The following SAV1 variants were observed in gnomAD, a reference collection of about 807,000 sequenced individuals.
SAV1 encodes salvador family WW domain containing protein 1, also known as protein salvador homolog 1.
Under a neutral mutation model 47.3 loss-of-function variants are expected in SAV1, and 23 were observed. The ratio of observed to expected loss-of-function variants is 0.49; its 90% CI spans 0.35 to 0.69. The LOEUF is 0.69. Ranked by LOEUF, SAV1 falls within the 30% of genes least tolerant of loss-of-function variation. The pLI is 0.01. For missense variants in SAV1, 448 were observed against 457.4 expected, an observed-to-expected ratio of 0.98 and a Z score of 0.19; for synonymous variants, 155 against 159.2, an observed-to-expected ratio of 0.97 and a Z score of 0.20.
At chr14:50,661,796 G>A (rs904063379) in intron 2 of SAV1, among the ~76,000 whole-genome samples, 46 of 152,112 alleles carry the variant, frequency 3.0e-4, no homozygotes, top group African/African-American at 9.4e-4. Flanking sequence ...TGGTCTATGT[G>A]TCTTTCTATA....
chr14:50,647,801 A>G (rs2039735271), intron 2 of SAV1, among the ~76,000 whole-genome samples: 1 of 152,240 alleles, frequency 6.6e-6, no homozygotes, highest in Non-Finnish European at 1.5e-5. Context: ...GCAAGTGCTT[A>G]CATGGATACA....
At chr14:50,635,699 A>C (rs116201470) in intron 4 of SAV1, among the ~76,000 whole-genome samples, 6,669 of 152,252 alleles carry the variant, frequency 0.044, 142 homozygotes, top group Middle Eastern at 0.051. Flanking sequence ...ACTGCTATTT[A>C]CATATAATTC....
intron 2 of SAV1, among the ~76,000 whole-genome samples, chr14:50,648,297 G>A (rs1443627836): frequency 6.6e-6 from 1 of 152,184 alleles, no homozygotes; most frequent in African/African-American, 2.4e-5. Flanking sequence ...AGGGACAGGA[G>A]TTGACTATAA....
intron 2 of SAV1, among the ~76,000 whole-genome samples, chr14:50,659,907 T>C (rs12895826): frequency 1.3e-5 from 2 of 152,188 alleles, no homozygotes; most frequent in Non-Finnish European, 2.9e-5. Flanking sequence ...ACCCCCTTGA[T>C]AGTTTCCAGA....
intron 4 of SAV1, among the ~76,000 whole-genome samples, chr14:50,638,194 C>G (rs2039652210): frequency 6.6e-6 from 1 of 152,198 alleles, no homozygotes; most frequent in Admixed American, 6.5e-5. Flanking sequence ...TGCCTATAAT[C>G]ACCTAAGTGT....
chr14:50,666,837 T>A (rs1282836092), intron 1 of SAV1, among the ~76,000 whole-genome samples: 1 of 151,570 alleles, frequency 6.6e-6, no homozygotes, highest in African/African-American at 2.4e-5. Context: ...TGTACTCAAC[T>A]GACATATATT....
chr14:50,658,591 G>T lies in SAV1; in HGVS notation c.535+6588C>A, dbSNP rs1389651. 9.1e-3 allele frequency among the ~76,000 whole-genome samples: 1,382 copies of T among 152,232 alleles called. 30 individuals carry two copies. The highest frequency in any genetic ancestry group is 0.031 in the African/African-American group (1,292 of 41,534). ...TAACCCTTGACACAAGGTGTTTCCT[G>T]AAAATCTAATAACTAATTGACAGGA... On this transcript the variant is annotated intron_variant, in intron 2 of 4. Coordinates refer to ENST00000324679, the MANE Select transcript of SAV1 (RefSeq NM_021818.4).
chr14:50,663,525 C>T (rs892518751), intron 2 of SAV1, among the ~76,000 whole-genome samples: 5 of 152,122 alleles, frequency 3.3e-5, no homozygotes, highest in African/African-American at 1.2e-4. Flanking sequence ...TTCCACATGC[C>T]TAGAAAACCT....
chr14:50,653,518 A>G (rs1334879105), intron 2 of SAV1, among the ~76,000 whole-genome samples: 1 of 152,228 alleles, frequency 6.6e-6, no homozygotes, highest in Non-Finnish European at 1.5e-5. Flanking sequence ...TACTGCAATA[A>G]AGTGAATATT....
chr14:50,642,491 GAAAAAAAAA>G (rs566683259), intron 3 of SAV1, among the ~76,000 whole-genome samples: 1 of 109,754 alleles, frequency 9.1e-6, no homozygotes. Flanking sequence ...CTCCGTCTCA[GAAAAAAAAA>G]AAAAAAGAAA....
intron 2 of SAV1, among the ~76,000 whole-genome samples, chr14:50,646,006 T>C (rs752263049): frequency 7.9e-5 from 12 of 152,134 alleles, no homozygotes; most frequent in South Asian, 2.1e-4. Flanking sequence ...CATTAACGGA[T>C]TGGAAGATTC....
chr14:50,658,097 C>T (rs1472038017), intron 2 of SAV1, among the ~76,000 whole-genome samples: 3 of 152,108 alleles, frequency 2.0e-5, no homozygotes, highest in East Asian at 3.8e-4. Context: ...CAACCAAATG[C>T]TTTCTCTCTT....
chr14:50,667,677 G>T (rs568321496), intron 1 of SAV1, among the ~76,000 whole-genome samples, 197 bp downstream of exon 1: 3 of 151,152 alleles, frequency 2.0e-5, no homozygotes, highest in Non-Finnish European at 4.4e-5. Context: ...GGCGCGGGGG[G>T]GACTAACCCA....
intron 2 of SAV1, among the ~76,000 whole-genome samples, chr14:50,655,014 G>A (rs1419296583): frequency 6.6e-6 from 1 of 151,994 alleles, no homozygotes; most frequent in Non-Finnish European, 1.5e-5. Context: ...TTTTAAAGAT[G>A]GTGACAATAA....
chr14:50,666,781 TAAAAA>T (rs780489912), intron 1 of SAV1, among the ~76,000 whole-genome samples: 2 of 137,118 alleles, frequency 1.5e-5, no homozygotes, highest in East Asian at 2.1e-4. Flanking sequence ...ATCAAGTTGT[TAAAAA>T]AAAAAAAAAA....
At chr14:50,662,870 G>C (rs903921487) in intron 2 of SAV1, 1 of 152,186 alleles carries the variant, frequency 6.6e-6, no homozygotes, top group Non-Finnish European at 1.5e-5. Context: ...TAAGCCTCCA[G>C]ATTTAAAACC....
At chr14:50,646,858 T>C (rs192556810) in intron 2 of SAV1, among the ~76,000 whole-genome samples, 30 of 152,218 alleles carry the variant, frequency 2.0e-4, no homozygotes, top group Admixed American at 5.9e-4. Context: ...AGGCTTACTA[T>C]AAAGCTACAT....
chr14:50,666,781 T>TA (rs780489912), intron 1 of SAV1, among the ~76,000 whole-genome samples: 5,968 of 136,996 alleles, frequency 0.044, 365 homozygotes, highest in African/African-American at 0.14. Flanking sequence ...ATCAAGTTGT[T>TA]AAAAAAAAAA....
intron 4 of SAV1, among the ~76,000 whole-genome samples, chr14:50,639,526 C>T (rs2039664567): frequency 6.6e-6 from 1 of 152,168 alleles, no homozygotes; most frequent in African/African-American, 2.4e-5. Flanking sequence ...ATAGTACTTG[C>T]TCCCTTTTTG....
Sources: gnomAD v4.1 joint callset for allele counts (sites outside exome capture counted in the v4.1 genomes callset) on GRCh38, gnomAD v4.1.1 for gene constraint, MANE v1.5 for transcripts, NCBI Gene and HGNC (gene_info 2026-07-23, HGNC 2026-07-21) for gene names.